The following TEX52 variants were observed in gnomAD, a reference collection of about 807,000 sequenced individuals.
The protein encoded by TEX52 is testis expressed 52.
A neutral mutation model predicts 17.6 loss-of-function variants in TEX52; 22 were observed. The ratio of observed to expected loss-of-function variants is 1.25; its 90% confidence interval spans 0.89 to 1.78. The LOEUF (loss-of-function observed/expected upper bound fraction) is 1.78, where lower values mean the gene tolerates loss of function less well. TEX52 is among the 40% of genes most tolerant of loss of function. The pLI is 0.00. For missense variants in TEX52, 396 were observed against 372.3 expected (o/e 1.06, Z -0.52); for synonymous variants, 168 against 147.4 (o/e 1.14, Z -1.01).
At chr12:2,853,754 G>A (rs2098078747) in intron 2 of TEX52, among the ~76,000 whole-genome samples, 1 of 152,082 alleles carries the variant, frequency 6.6e-6, no homozygotes, top group African/African-American at 2.4e-5. Flanking sequence ...TGCCTGGGCT[G>A]GACACAGTTG....
chr12:2,856,844 G>A, intron 1 of TEX52, 111 bp downstream of exon 1: 1 of 672,368 alleles, frequency 1.5e-6, no homozygotes, highest in Non-Finnish European at 2.7e-6. Flanking sequence ...AGCAGAAAAT[G>A]TATGGGCCAG....
At chr12:2,853,433 C>T (rs1304531164) in intron 2 of TEX52, among the ~76,000 whole-genome samples, 1 of 152,074 alleles carries the variant, frequency 6.6e-6, no homozygotes, top group Non-Finnish European at 1.5e-5. Context: ...CCACCACGCC[C>T]AGCTAATTTT....
chr12:2,853,740 G>A (rs1169848477), intron 2 of TEX52, among the ~76,000 whole-genome samples: 2 of 151,836 alleles, frequency 1.3e-5, no homozygotes, highest in Admixed American at 6.6e-5. Context: ...TCTTGCATGC[G>A]TAGTGCCTGG....
At position 2,849,532 on chromosome 12, in the gene TEX52, G is replaced by C. The variant is rs1206914811; in HGVS notation, c.624-7C>G. 3 of 1,535,866 alleles carry C rather than the reference G, an allele frequency of 2.0e-6. No homozygotes were observed. Among genetic ancestry groups the C allele is most frequent in the Non-Finnish European group, 1.7e-6 (2 of 1,146,834 alleles). ...AGCGGATATGTGCCGGTACCTGTTG[G>C]GAGAAGGGTATGGAGAGAACAGAGA... On this transcript the variant is annotated splice_polypyrimidine_tract_variant and splice_region_variant and intron_variant, in intron 2 of 2. Coordinates refer to ENST00000637658, the MANE Select transcript of TEX52 (RefSeq NM_001365174.2).
At chr12:2,851,623 G>A (rs1171362472) in intron 2 of TEX52, among the ~76,000 whole-genome samples, 1 of 151,996 alleles carries the variant, frequency 6.6e-6, no homozygotes, top group African/African-American at 2.4e-5. Flanking sequence ...GATTACAGGC[G>A]TGAGCCACCA....
rs1049655330 is a variant in TEX52, at chr12:2,855,458, C to G, written c.73-12G>C. 5.7e-6 allele frequency: 8 copies of G among 1,413,086 alleles called. No individual in the cohort carries two copies. The East Asian group carries it at 1.8e-4, about 32-fold the overall frequency. The allele number at this position is 1,413,086 out of a possible 1,614,324, so 87.5% of individuals were successfully genotyped here. On this transcript the variant is annotated splice_polypyrimidine_tract_variant and intron_variant, in intron 1 of 2. Coordinates refer to ENST00000637658, the MANE Select transcript of TEX52 (RefSeq NM_001365174.2). ...CTGGCCTGGACCATCTAGGGAGAGA[C>G]AAAAGGGAGCCTGGGGAAGGTTGTG...
chr12:2,849,413 G>A lies in TEX52; in HGVS notation c.736C>T (p.His246Tyr). 1 of 1,536,212 alleles carries A rather than the reference G, an allele frequency of 6.5e-7. No homozygotes were observed. The highest frequency in any genetic ancestry group is 8.7e-7 in the Non-Finnish European group (1 of 1,146,926). The change falls in exon 3 of 3, where the codon CAC becomes TAC. Residue 246 changes from histidine to tyrosine, a missense_variant. Physicochemically the swap from His to Tyr is moderately conservative, Grantham distance 83 (BLOSUM62 2). Transcript: ENST00000637658. ...AGCTTTAGCACCTTCTCCTGGTAGT[G>A]AGGCAGAGGGTTTGGGCAGGGCCAG... ...RSWPCPNPLP[H>Y]YQEKVLKLAL...
At chr12:2,848,877 GCACACACACACACACA>G (rs3056877), downstream of TEX52, among the ~76,000 whole-genome samples, 5 of 140,272 alleles carry the variant, frequency 3.6e-5, no homozygotes, top group East Asian at 6.3e-4. Flanking sequence ...ACACACACAC[GCACACACACACACACA>G]CACACACACA....
Position 2,857,025 on chromosome 12 carries a change from ATTC to A in TEX52, c.-2_1del. The A allele has an allele frequency of 1.4e-6, 1 of 702,928 alleles. No homozygotes were observed. The highest frequency in any genetic ancestry group is 2.6e-6 in the Non-Finnish European group (1 of 384,976). 43.5% of individuals were successfully genotyped at this position (702,928 alleles called of 1,614,324 possible). A position where few individuals can be genotyped will look rare whatever the true frequency, so the allele number is the denominator to read the frequency against. On this transcript the variant is annotated start_lost and start_retained_variant and 5_prime_UTR_variant, in exon 1 of 3. Transcript: ENST00000637658. ...GAGTGATCTTTGCCGGTTACTGGCCATTCTTCTGGGCCTCAGAGCCAGGAGGGG... is the reference window on the plus strand; with the variant it reads ...GAGTGATCTTTGCCGGTTACTGGCCATTCTGGGCCTCAGAGCCAGGAGGGG...
rs1603488216 is a variant in TEX52 at position 2,849,538 on chromosome 12, G to A, written c.624-13C>T. ...TATGTGCCGGTACCTGTTGGGAGAA[G>A]GGTATGGAGAGAACAGAGAGATCAA... On this transcript the variant is annotated splice_polypyrimidine_tract_variant and intron_variant, in intron 2 of 2. Transcript: ENST00000637658. The A allele has an allele frequency of 6.5e-7, 1 of 1,535,968 alleles. No individual in the cohort carries two copies. Among genetic ancestry groups the A allele is most frequent in the East Asian group, 2.4e-5 (1 of 40,924 alleles).
At chr12:2,853,429 C>G (rs1227975307) in intron 2 of TEX52, among the ~76,000 whole-genome samples, 1 of 152,010 alleles carries the variant, frequency 6.6e-6, no homozygotes, top group Non-Finnish European at 1.5e-5. Flanking sequence ...CCTGCCACCA[C>G]GCCCAGCTAA....
In TEX52 at chr12:2,855,305, C is replaced by G; in HGVS notation, c.214G>C (p.Asp72His). 7.9e-6 allele frequency: 12 copies of G among 1,528,220 alleles called. No individual in the cohort carries two copies. In the African/African-American group the frequency reaches 1.1e-4, roughly 14 times the overall value. 94.7% of individuals were successfully genotyped at this position (1,528,220 alleles called of 1,614,324 possible). A position where few individuals can be genotyped will look rare whatever the true frequency, so the allele number is the denominator to read the frequency against. Residue 72 changes from aspartate (D) to histidine (H), a missense_variant, in exon 2 of 3, where the codon GAT becomes CAT. Physicochemically the swap from Asp to His is moderately conservative, Grantham distance 81. Coordinates refer to ENST00000637658, the MANE Select transcript of TEX52 (RefSeq NM_001365174.2). ...CGCTGACGCACCTTGGACTTCATATCTGTGCAGGGCGGCAGCTTCAGAGCC... is the reference window on the plus strand; with the variant it reads ...CGCTGACGCACCTTGGACTTCATATGTGTGCAGGGCGGCAGCTTCAGAGCC... ...QLALKLPPCT[D>H]MKSKVRQRLI...
intron 2 of TEX52, among the ~76,000 whole-genome samples, chr12:2,852,684 T>TC (rs1255855542): frequency 2.0e-5 from 3 of 152,072 alleles, no homozygotes; most frequent in Non-Finnish European, 2.9e-5. Flanking sequence ...ACTTGACCTG[T>TC]CCAGCTCAGA....
At chr12:2,851,220 C>T (rs1213058119) in intron 2 of TEX52, among the ~76,000 whole-genome samples, 3 of 151,754 alleles carry the variant, frequency 2.0e-5, no homozygotes, top group African/African-American at 7.3e-5. Flanking sequence ...ATGGAGTTTG[C>T]AAGACTGGAA....
At chr12:2,848,528 C>T (rs1470476910), downstream of TEX52, among the ~76,000 whole-genome samples, 12 of 152,096 alleles carry the variant, frequency 7.9e-5, no homozygotes, top group Admixed American at 6.6e-4. Context: ...GTGGAGAGGC[C>T]GCTCTTTTAC....
At chr12:2,854,359 T>C (rs1039063892) in intron 2 of TEX52, among the ~76,000 whole-genome samples, 1 of 152,186 alleles carries the variant, frequency 6.6e-6, no homozygotes, top group Non-Finnish European at 1.5e-5. Context: ...CTTCCACATA[T>C]TCACTAGCTC....
chr12:2,855,212 G>A lies in TEX52; in HGVS notation c.307C>T (p.Arg103Cys), dbSNP rs548776861. The A allele has an allele frequency of 1.0e-4, 154 of 1,505,572 alleles. 2 individuals carry two copies. The South Asian group carries it at 1.6e-3, about 15-fold the overall frequency. The allele number at this position is 1,505,572 out of a possible 1,614,324, so 93.3% of individuals were successfully genotyped here. A position where few individuals can be genotyped will look rare whatever the true frequency, so the allele number is the denominator to read the frequency against. ...TGGGTGGGGAAGGTGGCAGGCAGAC[G>A]GCACACATCGAGCCACGTGTGAAAG... Reference protein sequence around the residue: ...WGFHTWLDVCRLPATFPTQPD... With the variant: ...WGFHTWLDVCCLPATFPTQPD... The change falls in exon 2 of 3, where the codon CGT (arginine) becomes TGT (cysteine). Residue 103 changes from arginine to cysteine, a missense_variant. Transcript: ENST00000637658.
Position 2,855,394 on chromosome 12 carries a change from T to C in TEX52, c.125A>G (p.Glu42Gly), listed in dbSNP as rs1200319176. The change falls in exon 2 of 3, where the codon GAG becomes GGG. Residue 42 changes from glutamate (E) to glycine (G), a missense_variant. Glu to Gly is a moderately conservative substitution (Grantham distance 98). Coordinates refer to ENST00000637658, the MANE Select transcript of TEX52 (RefSeq NM_001365174.2). ...CCAGGACTCGCTGGGGAGGAAGAAC[T>C]CACGCTGAGCCCACGTTTGGGAGGG... ...LPPSQTWAQR[E>G]FFLPSESWEF... 4.1e-6 allele frequency: 2 copies of C among 489,398 alleles called. No homozygotes were observed. Among genetic ancestry groups the C allele is most frequent in the Admixed American group, 2.6e-5 (1 of 38,236 alleles). 30.3% of individuals were successfully genotyped at this position (489,398 alleles called of 1,614,324 possible).
rs777506969 is a variant in TEX52 at position 2,854,854 on chromosome 12, C to T, written c.623+42G>A. The T allele has an allele frequency of 2.1e-5, 31 of 1,495,838 alleles. No individual in the cohort carries two copies. The South Asian group carries it at 3.8e-4, about 18-fold the overall frequency. The allele number at this position is 1,495,838 out of a possible 1,614,324, so 92.7% of individuals were successfully genotyped here. A position where few individuals can be genotyped will look rare whatever the true frequency, so the allele number is the denominator to read the frequency against. ...CTGAGAGAGGGAGGGGTCACCTGGG[C>T]AGGGCAGGCTGGGTGGGCTCCCTGA... is the stretch of plus-strand genomic sequence containing the variant. On this transcript the variant is annotated intron_variant, in intron 2 of 2. Transcript: ENST00000637658.
Sources: allele counts gnomAD v4.1 joint callset (sites outside exome capture counted in the v4.1 genomes callset), GRCh38; gene constraint gnomAD v4.1.1; transcripts MANE v1.5; gene names NCBI Gene and HGNC (gene_info 2026-07-23, HGNC 2026-07-21).